The following DNAJC13 variants were observed in gnomAD, a reference collection of about 807,000 sequenced individuals.
DNAJC13 encodes dnaJ homolog subfamily C member 13.
A neutral mutation model predicts 290.5 loss-of-function variants in DNAJC13; 75 were observed. That is an observed-to-expected ratio of 0.26 (90% confidence interval 0.21 to 0.31). The LOEUF is 0.31. Ranked by LOEUF, DNAJC13 falls within the 10% of genes least tolerant of loss-of-function variation. The probability of loss-of-function intolerance (pLI) is 1.00; values close to 1 mark genes in which losing one functional copy is unlikely to be tolerated. For missense variants in DNAJC13, 2,260 were observed against 2,674.5 expected (o/e 0.85, Z 3.42); for synonymous variants, 862 against 892.0 (o/e 0.97, Z 0.60).
Position 132,500,687 on chromosome 3 carries a change from AC to A in DNAJC13, c.4417-105del, listed in dbSNP as rs1412645204. 3 of 1,425,540 alleles carry A rather than the reference AC, an allele frequency of 2.1e-6. No homozygotes were observed. In the African/African-American group the frequency reaches 4.2e-5, roughly 20 times the overall value. 88.3% of individuals were successfully genotyped at this position (1,425,540 alleles called of 1,614,324 possible). A position where few individuals can be genotyped will look rare whatever the true frequency, so the allele number is the denominator to read the frequency against. ...TGTTTAATTTTGGAACATTGTATATACCATTAAGCATTATTCACAAATTTCT... is the reference window on the plus strand; with the variant it reads ...TGTTTAATTTTGGAACATTGTATATACATTAAGCATTATTCACAAATTTCT... On this transcript the variant is annotated intron_variant, in intron 38 of 55. Coordinates refer to ENST00000260818, the MANE Select transcript of DNAJC13 (RefSeq NM_015268.4).
At chr3:132,537,109 C>T (rs1167356465) in intron 55 of DNAJC13, 13 of 456,102 alleles carry the variant, frequency 2.9e-5, no homozygotes, top group Admixed American at 2.6e-4. Context: ...CTGCTGTTTG[C>T]ACTTCCTCAC....
intron 6 of DNAJC13, among the ~76,000 whole-genome samples, chr3:132,451,633 CA>C (rs944667099): frequency 6.6e-6 from 1 of 152,080 alleles, no homozygotes; most frequent in Non-Finnish European, 1.5e-5. Flanking sequence ...AACTTAATTG[CA>C]AAATTCCTTT....
At chr3:132,483,353 A>G (rs773023119) in intron 27 of DNAJC13, 22 bp from the exon 28 acceptor site, 7 of 1,605,394 alleles carry the variant, frequency 4.4e-6, no homozygotes, top group South Asian at 3.3e-5. Flanking sequence ...GTCTGTTTGT[A>G]ATAATGCCTT....
chr3:132,496,493 C>A (rs768126153), intron 35 of DNAJC13, 35 bp from the exon 36 acceptor site: 2 of 1,516,078 alleles, frequency 1.3e-6, no homozygotes, highest in Non-Finnish European at 8.8e-7. Flanking sequence ...TGCGACATTC[C>A]AAATTAACGT....
At chr3:132,528,403 T>C (rs1263790230) in intron 54 of DNAJC13, 71 bp downstream of exon 54, 4 of 1,549,392 alleles carry the variant, frequency 2.6e-6, no homozygotes, top group Non-Finnish European at 3.5e-6. Context: ...TCCACGTACC[T>C]GTGTTCAAGT....
intron 9 of DNAJC13, among the ~76,000 whole-genome samples, chr3:132,455,819 G>T (rs1451114838): frequency 6.6e-6 from 1 of 152,148 alleles, no homozygotes. Context: ...TCCTGGGGCT[G>T]GGGAGTGTTC....
intron 9 of DNAJC13, among the ~76,000 whole-genome samples, chr3:132,454,976 A>G (rs866098466): frequency 6.6e-6 from 1 of 152,344 alleles, no homozygotes; most frequent in Middle Eastern, 3.4e-3. Flanking sequence ...GGTTAAGAAA[A>G]GATTTCCCAG....
chr3:132,441,245 G>A (rs1037247825), intron 2 of DNAJC13, among the ~76,000 whole-genome samples: 1 of 152,158 alleles, frequency 6.6e-6, no homozygotes, highest in East Asian at 1.9e-4. Flanking sequence ...TGGGCCAGCA[G>A]GTAAAATTTG....
At chr3:132,509,825 GA>G (rs1935713120) in intron 43 of DNAJC13, among the ~76,000 whole-genome samples, 7 of 152,130 alleles carry the variant, frequency 4.6e-5, no homozygotes, top group Non-Finnish European at 5.9e-5. Flanking sequence ...TTTTAGACAT[GA>G]TACTATTGTA....
In DNAJC13 at chr3:132,436,187, T is replaced by G. The variant is rs9867239; in HGVS notation, c.68+1569T>G. Reference sequence around the variant, plus strand: ...CGCCTTCCCTGCAAAAAACTTCCTCTAAACACTGCGTTACAAATCAGCAGT... The same window carrying G: ...CGCCTTCCCTGCAAAAAACTTCCTCGAAACACTGCGTTACAAATCAGCAGT... On this transcript the variant is annotated intron_variant, in intron 2 of 55. Coordinates refer to ENST00000260818, the MANE Select transcript of DNAJC13 (RefSeq NM_015268.4). Among the ~76,000 whole-genome samples the G allele has an allele frequency of 5.6e-3, 850 of 152,308 alleles. 3 individuals are homozygous for G. Among genetic ancestry groups the G allele is most frequent in the Middle Eastern group, 0.01 (3 of 294 alleles).
At chr3:132,511,541 T>C (rs1935779486) in intron 44 of DNAJC13, among the ~76,000 whole-genome samples, 1 of 152,194 alleles carries the variant, frequency 6.6e-6, no homozygotes, top group South Asian at 2.1e-4. Flanking sequence ...TAAGTTAACA[T>C]ATCAAGTATA....
At chr3:132,432,923 T>C (rs1309884664) in intron 1 of DNAJC13, among the ~76,000 whole-genome samples, 3 of 152,184 alleles carry the variant, frequency 2.0e-5, no homozygotes, top group African/African-American at 4.8e-5. Flanking sequence ...TTCTTTACTT[T>C]CCTTGATGTG....
chr3:132,537,770 G>C (rs553248512), intron 55 of DNAJC13, among the ~76,000 whole-genome samples: 1 of 152,322 alleles, frequency 6.6e-6, no homozygotes, highest in African/African-American at 2.4e-5. Flanking sequence ...GTTGACAGAA[G>C]TGTTTATGTT....
rs1319623906 is a variant in DNAJC13 at position 132,528,171 on chromosome 3, G to T, written c.6382-18G>T. 2 of 1,613,338 alleles carry T rather than the reference G, an allele frequency of 1.2e-6. No individual in the cohort carries two copies. The highest frequency in any genetic ancestry group is 1.7e-6 in the Non-Finnish European group (2 of 1,179,614). On this transcript the variant is annotated intron_variant, in intron 53 of 55. Transcript: ENST00000260818. The stretch of plus-strand genomic sequence containing the variant: ...GCATTTTTTCTGTGTGTTTATATAT[G>T]CTTAATATTTCTTCTAGGCCCTGAA...
chr3:132,475,500 A>G (rs1009786060), intron 22 of DNAJC13, among the ~76,000 whole-genome samples: 2 of 152,036 alleles, frequency 1.3e-5, no homozygotes, highest in African/African-American at 4.8e-5. Flanking sequence ...TAAAATATTG[A>G]TGTGAAGAGC....
rs1488236774 is a variant in DNAJC13, at chr3:132,496,739, G to A, written c.4156+76G>A. Reference sequence around the variant, plus strand: ...CAGCTAACCCTATACCATATTACCTGTTTCTACAGCATATTTAATAGATTT... The same window carrying A: ...CAGCTAACCCTATACCATATTACCTATTTCTACAGCATATTTAATAGATTT... On this transcript the variant is annotated intron_variant, in intron 36 of 55. Transcript: ENST00000260818. The A allele has an allele frequency of 5.1e-6, 6 of 1,168,324 alleles. No individual in the cohort carries two copies. The East Asian group carries it at 1.1e-4, about 21-fold the overall frequency. The allele number at this position is 1,168,324 out of a possible 1,614,324, so 72.4% of individuals were successfully genotyped here. A position where few individuals can be genotyped will look rare whatever the true frequency, so the allele number is the denominator to read the frequency against.
chr3:132,441,303 T>A (rs527786574), intron 2 of DNAJC13, among the ~76,000 whole-genome samples: 3 of 152,360 alleles, frequency 2.0e-5, no homozygotes, highest in East Asian at 3.9e-4. Context: ...TGTCAATATC[T>A]ACAATACCGG....
Position 132,482,303 on chromosome 3 carries a change from A to G in DNAJC13, c.2952A>G (p.Glu984=), listed in dbSNP as rs569957942. The G allele has an allele frequency of 3.1e-6, 5 of 1,613,806 alleles. No homozygotes were observed. In the African/African-American group the frequency reaches 5.3e-5, roughly 17 times the overall value. The change falls in exon 27 of 56, where the codon GAA becomes GAG. Residue 984 remains glutamate, a synonymous_variant. Transcript: ENST00000260818. ...KEWYFGNADK[E]RSGPYGFHEM... ...GGTATTTTGGCAACGCAGACAAAGA[A>G]AGGAGTGGCCCGTATGGATTTCATG... is the stretch of plus-strand genomic sequence containing the variant.
intron 24 of DNAJC13, among the ~76,000 whole-genome samples, chr3:132,478,463 A>G (rs891680412): frequency 5.3e-5 from 8 of 152,154 alleles, no homozygotes; most frequent in African/African-American, 1.9e-4. Context: ...TGTACCTTTG[A>G]TTTTCCATTT....
Sources: allele counts gnomAD v4.1 joint callset (sites outside exome capture counted in the v4.1 genomes callset), GRCh38; gene constraint gnomAD v4.1.1; transcripts MANE v1.5; gene names NCBI Gene and HGNC (gene_info 2026-07-23, HGNC 2026-07-21).